The following TAS2R1 variants were observed in gnomAD, a reference collection of about 807,000 sequenced individuals.
TAS2R1 encodes taste receptor type 2 member 1.
For synonymous variants in TAS2R1, 141 were observed against 134.2 expected (o/e 1.05, Z -0.35); for missense variants, 370 against 353.4 (o/e 1.05, Z -0.38).
Position 9,629,783 on chromosome 5 carries a change from T to G in TAS2R1, c.250A>C (p.Ile84Leu). The G allele has an allele frequency of 6.2e-7, 1 of 1,613,810 alleles. No homozygotes were observed. The highest frequency in any genetic ancestry group is 8.5e-7 in the Non-Finnish European group (1 of 1,179,908). ...EFIMCSANCA[I>L]LLFINELELW... ...TCCAATTCATTTATAAATAAGAGAATTGCACAATTCGCAGAACACATGATG... is the reference window on the plus strand; with the variant it reads ...TCCAATTCATTTATAAATAAGAGAAGTGCACAATTCGCAGAACACATGATG... Residue 84 changes from isoleucine to leucine, a missense_variant, in exon 1 of 1, where the codon ATT becomes CTT. Ile to Leu is a conservative substitution (Grantham distance 5, BLOSUM62 2). Transcript: ENST00000382492.
At chr5:9,792,516 T>G in the TAS2R1 span, among the ~76,000 whole-genome samples, 1 of 152,170 alleles carries the variant, frequency 6.6e-6, no homozygotes, top group Non-Finnish European at 1.5e-5. Flanking sequence ...ACTTTTGAAG[T>G]GGAAAAATTA....
At chr5:9,766,727 C>T in the TAS2R1 span, among the ~76,000 whole-genome samples, 2 of 152,198 alleles carry the variant, frequency 1.3e-5, no homozygotes, top group Admixed American at 6.5e-5. Context: ...CCTGAGTTTC[C>T]ATTCCTGGGC....
intron 1 of TAS2R1, among the ~76,000 whole-genome samples, chr5:9,695,826 G>C (rs1741345520): frequency 1.3e-5 from 2 of 152,204 alleles, no homozygotes; most frequent in South Asian, 4.1e-4. Flanking sequence ...AGAAGAGGCA[G>C]CCAGAAGCCA....
At chr5:9,868,678 G>T in the TAS2R1 span, among the ~76,000 whole-genome samples, 1 of 152,144 alleles carries the variant, frequency 6.6e-6, no homozygotes, top group Non-Finnish European at 1.5e-5. Context: ...GCAAATTTTT[G>T]CAGGTGGCTT....
chr5:9,723,358 G>A, the TAS2R1 span, among the ~76,000 whole-genome samples: 5,078 of 152,178 alleles, frequency 0.033, 259 homozygotes, highest in African/African-American at 0.11. Context: ...TGTGGACTGC[G>A]GGGCAAAAGC....
the TAS2R1 span, among the ~76,000 whole-genome samples, chr5:9,829,177 G>A: frequency 2.4e-4 from 37 of 152,226 alleles, no homozygotes; most frequent in African/African-American, 8.7e-4. Context: ...TTACGGCAAA[G>A]TAATCATTGT....
chr5:9,695,283 C>T (rs917339817), intron 1 of TAS2R1, among the ~76,000 whole-genome samples: 1 of 152,202 alleles, frequency 6.6e-6, no homozygotes, highest in Non-Finnish European at 1.5e-5. Flanking sequence ...CCTCAATTCC[C>T]TTCTCAATAA....
intron 1 of TAS2R1, among the ~76,000 whole-genome samples, chr5:9,682,082 C>T (rs1561377505): frequency 6.6e-6 from 1 of 152,002 alleles, no homozygotes. Flanking sequence ...TTCAGGATAA[C>T]CAAAATGAAT....
At chr5:9,824,778 C>T in the TAS2R1 span, among the ~76,000 whole-genome samples, 6 of 142,198 alleles carry the variant, frequency 4.2e-5, no homozygotes, top group Admixed American at 3.7e-4. Flanking sequence ...ACCTGGGCAG[C>T]GGAGGTTGCA....
the TAS2R1 span, among the ~76,000 whole-genome samples, chr5:9,836,542 TGGGGCAG>T: frequency 1.3e-5 from 2 of 152,162 alleles, no homozygotes; most frequent in Non-Finnish European, 2.9e-5. Context: ...ACAATTTCCT[TGGGGCAG>T]GAGGAAAATC....
chr5:9,719,144 TA>T, the TAS2R1 span, among the ~76,000 whole-genome samples: 1 of 152,226 alleles, frequency 6.6e-6, no homozygotes, highest in African/African-American at 2.4e-5. Flanking sequence ...TAATAAAAGA[TA>T]TTTTTCTACT....
At chr5:9,863,368 T>A in the TAS2R1 span, among the ~76,000 whole-genome samples, 1 of 150,968 alleles carries the variant, frequency 6.6e-6, no homozygotes, top group Non-Finnish European at 1.5e-5. Flanking sequence ...GCCTCCTGGG[T>A]TCACGCCATT....
the TAS2R1 span, among the ~76,000 whole-genome samples, chr5:9,799,917 G>T: frequency 6.6e-6 from 1 of 152,192 alleles, no homozygotes; most frequent in South Asian, 2.1e-4. Context: ...AGATTATTTT[G>T]TTATCATAAA....
chr5:9,862,290 C>T, the TAS2R1 span, among the ~76,000 whole-genome samples: 9 of 152,220 alleles, frequency 5.9e-5, no homozygotes, highest in South Asian at 2.1e-4. Context: ...GGAAGGTTTG[C>T]GCTTTGAGAG....
chr5:9,690,801 TG>T (rs1348750843), intron 1 of TAS2R1, among the ~76,000 whole-genome samples: 1 of 152,088 alleles, frequency 6.6e-6, no homozygotes, highest in Non-Finnish European at 1.5e-5. Context: ...TCAGTTGTCC[TG>T]GGGCTCATCC....
chr5:9,876,255 A>G, the TAS2R1 span, among the ~76,000 whole-genome samples: 22 of 152,150 alleles, frequency 1.4e-4, no homozygotes, highest in African/African-American at 5.3e-4. Context: ...AAAAAGTTTG[A>G]AAGGTTTAAA....
At chr5:9,752,529 C>T in the TAS2R1 span, among the ~76,000 whole-genome samples, 6 of 151,984 alleles carry the variant, frequency 3.9e-5, no homozygotes, top group African/African-American at 1.2e-4. Context: ...GAAGAACTCC[C>T]ACTTACGAAT....
At chr5:9,688,132 A>G (rs1741163970) in intron 1 of TAS2R1, among the ~76,000 whole-genome samples, 1 of 152,206 alleles carries the variant, frequency 6.6e-6, no homozygotes, top group Non-Finnish European at 1.5e-5. Flanking sequence ...GACATATTCT[A>G]ATTAGGAATC....
At chr5:9,726,201 T>C in the TAS2R1 span, among the ~76,000 whole-genome samples, 3 of 152,138 alleles carry the variant, frequency 2.0e-5, no homozygotes, top group Non-Finnish European at 4.4e-5. Flanking sequence ...TCAGGGTTTG[T>C]GAATGCACCA....
Sources: gnomAD v4.1 joint callset for allele counts (sites outside exome capture counted in the v4.1 genomes callset) on GRCh38, gnomAD v4.1.1 for gene constraint, MANE v1.5 for transcripts, NCBI Gene and HGNC (gene_info 2026-07-23, HGNC 2026-07-21) for gene names.